PREX2: variants seen among roughly 807,000 people sequenced by gnomAD.
PREX2 encodes the protein phosphatidylinositol 3,4,5-trisphosphate-dependent Rac exchanger 2 protein.
Under a neutral mutation model 203.2 loss-of-function variants are expected in PREX2, and 107 were observed. The ratio of observed to expected loss-of-function variants is 0.53; its 90% CI spans 0.45 to 0.62. The LOEUF (loss-of-function observed/expected upper bound fraction) is 0.62. Ranked by LOEUF, PREX2 falls within the 20% of genes least tolerant of loss-of-function variation. The pLI is 0.00. For synonymous variants in PREX2, 672 were observed against 663.6 expected, an observed-to-expected ratio of 1.01 and a Z score of -0.19; for missense variants, 1,777 against 1,955.9, an observed-to-expected ratio of 0.91 and a Z score of 1.72.
rs1464520569 is a variant in PREX2, at chr8:68,055,123, G to T, written c.1094-707G>T. On this transcript the variant is annotated intron_variant, in intron 9 of 39. Transcript: ENST00000288368. ...TTCCCCGCACTGTCCTCTGAGCTTT[G>T]TTTCCAAAGCAACACAACTTTCTTT... Among the ~76,000 whole-genome samples the T allele has an allele frequency of 2.0e-5, 3 of 152,124 alleles. No homozygotes were observed. In the East Asian group the frequency reaches 5.8e-4, roughly 29 times the overall value.
intron 37 of PREX2, among the ~76,000 whole-genome samples, chr8:68,210,058 C>T (rs542976343): frequency 2.6e-5 from 4 of 152,232 alleles, no homozygotes; most frequent in East Asian, 1.9e-4. Flanking sequence ...AAAGTCTAAA[C>T]GTGTATCCCT....
At chr8:68,171,697 C>A (rs765611188) in intron 35 of PREX2, among the ~76,000 whole-genome samples, 2 of 152,078 alleles carry the variant, frequency 1.3e-5, no homozygotes, top group Non-Finnish European at 2.9e-5. Flanking sequence ...TGTGTCACAT[C>A]CCTTGTCTGA....
chr8:68,158,705 A>T (rs561829038), intron 35 of PREX2, among the ~76,000 whole-genome samples: 1 of 152,266 alleles, frequency 6.6e-6, no homozygotes, highest in African/African-American at 2.4e-5. Context: ...GACTAGGAGG[A>T]TGTAATTGCT....
At chr8:68,190,824 T>G (rs545264531) in intron 35 of PREX2, among the ~76,000 whole-genome samples, 15 of 152,024 alleles carry the variant, frequency 9.9e-5, no homozygotes, top group Admixed American at 3.9e-4. Flanking sequence ...AAAAAATAGA[T>G]ACTAGATCAA....
intron 1 of PREX2, among the ~76,000 whole-genome samples, chr8:67,998,607 A>G (rs553563472): frequency 1.0e-3 from 154 of 152,264 alleles, no homozygotes; most frequent in Middle Eastern, 6.8e-3. Flanking sequence ...TCTCTAGAAA[A>G]AAAACAAAAA....
intron 35 of PREX2, among the ~76,000 whole-genome samples, chr8:68,180,410 G>C (rs1812061355): frequency 6.6e-6 from 1 of 151,984 alleles, no homozygotes; most frequent in Non-Finnish European, 1.5e-5. Flanking sequence ...CTAGCACTTG[G>C]TGCTGCCTGA....
chr8:68,059,111 A>G (rs923673230), intron 10 of PREX2, among the ~76,000 whole-genome samples: 1 of 152,240 alleles, frequency 6.6e-6, no homozygotes, highest in African/African-American at 2.4e-5. Context: ...TTAATGAAGA[A>G]ATAATTTCCT....
chr8:68,222,602 G>A (rs909893901), intron 38 of PREX2, among the ~76,000 whole-genome samples: 1 of 151,544 alleles, frequency 6.6e-6, no homozygotes, highest in African/African-American at 2.4e-5. Flanking sequence ...TATTATTGTT[G>A]TAGACAAGAT....
intron 39 of PREX2, among the ~76,000 whole-genome samples, chr8:68,227,255 G>A (rs1471419635): frequency 1.3e-5 from 2 of 152,288 alleles, no homozygotes; most frequent in African/African-American, 2.4e-5. Context: ...TTAGAGAGAT[G>A]TTTAGAAGAC....
intron 7 of PREX2, among the ~76,000 whole-genome samples, chr8:68,042,801 A>G (rs1808234760): frequency 6.6e-6 from 1 of 152,122 alleles, no homozygotes; most frequent in South Asian, 2.1e-4. Flanking sequence ...TATAGAATTG[A>G]TCAAACACTT....
intron 10 of PREX2, among the ~76,000 whole-genome samples, chr8:68,058,938 T>C (rs1279155346): frequency 1.3e-5 from 2 of 152,162 alleles, no homozygotes; most frequent in African/African-American, 4.8e-5. Context: ...TATGCAGCAA[T>C]AGAAAACGAA....
intron 21 of PREX2, 47 bp downstream of exon 21, chr8:68,093,769 A>T (rs769254268): frequency 1.9e-6 from 2 of 1,031,144 alleles, no homozygotes; most frequent in Non-Finnish European, 3.0e-6. Flanking sequence ...ATTCTTTTCC[A>T]CTGTGCATGT....
In PREX2 at chr8:68,146,200, T is replaced by A; in HGVS notation, c.4088-9T>A. ...TTAGGAAGTAATATACTATTAAATATCATTTTAGATGTTCCTCTTACATAT... is the reference window on the plus strand; with the variant it reads ...TTAGGAAGTAATATACTATTAAATAACATTTTAGATGTTCCTCTTACATAT... On this transcript the variant is annotated splice_polypyrimidine_tract_variant and intron_variant, in intron 33 of 39. Transcript: ENST00000288368. 1.3e-6 allele frequency: 2 copies of A among 1,593,406 alleles called. No homozygotes were observed. The highest frequency in any genetic ancestry group is 1.7e-6 in the Non-Finnish European group (2 of 1,165,694).
At chr8:68,225,813 G>C (rs16934341) in intron 39 of PREX2, among the ~76,000 whole-genome samples, 1,656 of 152,206 alleles carry the variant, frequency 0.011, 26 homozygotes, top group African/African-American at 0.037. Flanking sequence ...TTTTACATAC[G>C]CATTCTCCAT....
At chr8:68,204,034 C>T (rs1812560636) in intron 37 of PREX2, among the ~76,000 whole-genome samples, 1 of 151,948 alleles carries the variant, frequency 6.6e-6, no homozygotes, top group Admixed American at 6.6e-5. Context: ...GTTAAATTCC[C>T]CCCGCCCCAC....
intron 38 of PREX2, chr8:68,220,118 AC>A (rs1245239530): frequency 1.3e-5 from 2 of 151,920 alleles, no homozygotes; most frequent in African/African-American, 4.8e-5. Context: ...GGAATAAGAA[AC>A]TTTTTGGCAT....
rs16934015 is a variant in PREX2 at position 68,031,913 on chromosome 8, C to A, written c.705+1255C>A. On this transcript the variant is annotated intron_variant, in intron 6 of 39. Transcript: ENST00000288368. The stretch of plus-strand genomic sequence containing the variant: ...GAATTTGTCAGTGAAATGTGCCAGG[C>A]CTTTTACTAAAACAAAAACTTCAGA... Among the ~76,000 whole-genome samples, 19 of 152,234 alleles carry A rather than the reference C, an allele frequency of 1.2e-4. No homozygotes were observed. The East Asian group carries it at 3.5e-3, about 28-fold the overall frequency.
At chr8:68,231,039 G>C (rs1394136236) in intron 39 of PREX2, among the ~76,000 whole-genome samples, 1 of 152,150 alleles carries the variant, frequency 6.6e-6, no homozygotes, top group Non-Finnish European at 1.5e-5. Context: ...TTTACCACAA[G>C]TGTGGTGAAC....
rs756801083 is a variant in PREX2 at position 68,077,451 on chromosome 8, A to G, written c.1624A>G (p.Asn542Asp). ...AMIFGVGLCDNGFMHHVLEKS... is the reference protein window; with the variant it reads ...AMIFGVGLCDDGFMHHVLEKS... Reference sequence around the variant, plus strand: ...GATATTTGGCGTTGGACTCTGTGACAATGGATTTATGCACCATGGTAGGGA... The same window carrying G: ...GATATTTGGCGTTGGACTCTGTGACGATGGATTTATGCACCATGGTAGGGA... The change falls in exon 15 of 40, where the codon AAT becomes GAT. Residue 542 changes from asparagine (N) to aspartate (D), a missense_variant. Transcript: ENST00000288368. 6 of 1,612,840 alleles carry G rather than the reference A, an allele frequency of 3.7e-6. No homozygotes were observed. The highest frequency in any genetic ancestry group is 2.7e-5 in the African/African-American group (2 of 74,892).
Sources: gnomAD v4.1 joint callset for allele counts (sites outside exome capture counted in the v4.1 genomes callset) on GRCh38, gnomAD v4.1.1 for gene constraint, MANE v1.5 for transcripts, NCBI Gene and HGNC (gene_info 2026-07-23, HGNC 2026-07-21) for gene names.